The following INO80 variants were observed in gnomAD, a reference collection of about 807,000 sequenced individuals.
INO80 encodes the protein INO80 complex ATPase subunit.
In INO80, 20 loss-of-function variants were observed where a neutral mutation model predicts 203.4. The observed-to-expected ratio is 0.10, with a 90% CI of 0.07 to 0.14. The LOEUF (loss-of-function observed/expected upper bound fraction) is 0.14. Ranked by LOEUF, INO80 falls within the 10% of genes least tolerant of loss-of-function variation. INO80 has a pLI of 1.00. For missense variants in INO80, 1,419 were observed against 1,914.4 expected, an observed-to-expected ratio of 0.74 and a Z score of 4.83; for synonymous variants, 726 against 685.2, an observed-to-expected ratio of 1.06 and a Z score of -0.93.
intron 29 of INO80, among the ~76,000 whole-genome samples, chr15:40,989,200 T>C (rs1417748802): frequency 2.0e-5 from 3 of 152,164 alleles, no homozygotes; most frequent in Non-Finnish European, 4.4e-5. Context: ...ACTGGGGCTA[T>C]GCTGGAAACA....
intron 1 of INO80, among the ~76,000 whole-genome samples, chr15:41,100,223 T>C (rs562938214): frequency 2.6e-5 from 4 of 151,972 alleles, no homozygotes; most frequent in East Asian, 3.9e-4. Context: ...TACAGGCGCC[T>C]GCCACCACGC....
At chr15:41,047,601 ACTATT>A (rs2044791704) in intron 22 of INO80, 100 bp from the exon 23 acceptor site, 7 of 789,938 alleles carry the variant, frequency 8.9e-6, no homozygotes, top group South Asian at 8.4e-5. Flanking sequence ...GAACAAAAAC[ACTATT>A]CTAAAGGTTC....
Position 41,070,460 on chromosome 15 carries a change from TA to T in INO80, c.1686+6del. On this transcript the variant is annotated splice_donor_region_variant and intron_variant, in intron 13 of 35. Coordinates refer to ENST00000648947, the MANE Select transcript of INO80 (RefSeq NM_017553.3). ...GAAATGAAGATAGAAAGATTGCATC[TA>T]CCCACCTCAGCCAGATGGGCCAGAA... The T allele has an allele frequency of 6.2e-7, 1 of 1,610,642 alleles. No individual in the cohort carries two copies.
At chr15:41,020,254 AT>A (rs1169604792) in intron 26 of INO80, among the ~76,000 whole-genome samples, 2 of 152,090 alleles carry the variant, frequency 1.3e-5, no homozygotes, top group Non-Finnish European at 2.9e-5. Flanking sequence ...AATGTCAGAG[AT>A]TTTGGACAAC....
chr15:41,066,846 C>CAAAAAAAAAAAAAA (rs58118605), intron 14 of INO80, among the ~76,000 whole-genome samples: 2 of 70,614 alleles, frequency 2.8e-5, no homozygotes, highest in Non-Finnish European at 6.7e-5. Context: ...AAAAAAAAAG[C>CAAAAAAAAAAAAAA]AAAAAAAAAA....
Position 40,979,894 on chromosome 15 carries a change from G to A in INO80, c.*329C>T, listed in dbSNP as rs1003031482. 1 of 347,234 alleles carries A rather than the reference G, an allele frequency of 2.9e-6. No individual in the cohort carries two copies. The highest frequency in any genetic ancestry group is 2.1e-5 in the African/African-American group (1 of 48,084). 21.5% of individuals were successfully genotyped at this position (347,234 alleles called of 1,614,324 possible). On this transcript the variant is annotated 3_prime_UTR_variant, in exon 36 of 36. Transcript: ENST00000648947. The stretch of plus-strand genomic sequence containing the variant: ...TGTCAGAGCCGAAGAGTGGAATCGG[G>A]ATGGAAACAGTATGCCTGAGCATCT...
intron 19 of INO80, among the ~76,000 whole-genome samples, chr15:41,051,948 A>C (rs2044881919): frequency 6.6e-6 from 1 of 152,038 alleles, no homozygotes; most frequent in Admixed American, 6.6e-5. Context: ...ACAGAGCAAG[A>C]CTCAGTCTCA....
At chr15:40,996,616 G>T (rs549044126) in intron 29 of INO80, among the ~76,000 whole-genome samples, 1 of 152,060 alleles carries the variant, frequency 6.6e-6, no homozygotes. Flanking sequence ...GAGCCACCAC[G>T]CCCAGCCAGG....
In INO80 at chr15:41,096,287, C is replaced by G; in HGVS notation, c.24G>C (p.Arg8Ser). 6.2e-7 allele frequency: 1 copy of G among 1,601,132 alleles called. No homozygotes were observed. Among genetic ancestry groups the G allele is most frequent in the Non-Finnish European group, 8.5e-7 (1 of 1,176,654 alleles). Residue 8 changes from arginine to serine, a missense_variant, in exon 2 of 36, where the codon AGG (arginine) becomes AGC (serine). This residue lies in a region of INO80 where 323 missense variants were observed against 325.4 expected (regional missense o/e 0.99). Transcript: ENST00000648947. ...CCAGCTCAGTGCAGCCTCCATCATCCCTGGCACCCAACTCCGAGGCCATAG... is the reference window on the plus strand; with the variant it reads ...CCAGCTCAGTGCAGCCTCCATCATCGCTGGCACCCAACTCCGAGGCCATAG... Reference protein sequence around the residue: MASELGARDDGGCTELAK... With the variant: MASELGASDDGGCTELAK...
chr15:41,018,838 CA>C (rs1193305410), intron 26 of INO80: 10 of 152,310 alleles, frequency 6.6e-5, no homozygotes, highest in African/African-American at 2.4e-4. Flanking sequence ...TCTGGAAATC[CA>C]GCTGATTCTG....
At chr15:41,056,596 A>C in intron 17 of INO80, 26 bp downstream of exon 17, 1 of 1,544,944 alleles carries the variant, frequency 6.5e-7, no homozygotes, top group Non-Finnish European at 8.9e-7. Flanking sequence ...TGAAGATATA[A>C]ACCTGTGACC....
chr15:41,002,083 T>G (rs946165556), intron 28 of INO80, among the ~76,000 whole-genome samples: 12 of 152,322 alleles, frequency 7.9e-5, no homozygotes, highest in Admixed American at 6.5e-5. Context: ...CAGTTTGTAA[T>G]GTAGGCAGGG....
intron 27 of INO80, among the ~76,000 whole-genome samples, chr15:41,009,937 C>T (rs1043664144): frequency 4.6e-5 from 7 of 152,070 alleles, no homozygotes; most frequent in Non-Finnish European, 8.8e-5. Context: ...ACACTTTCTT[C>T]AAGCAAATTC....
At chr15:41,082,250 C>CA (rs60486605) in intron 7 of INO80, among the ~76,000 whole-genome samples, 4,713 of 54,396 alleles carry the variant, frequency 0.087, 337 homozygotes, top group African/African-American at 0.2. Context: ...AACTCCGTCT[C>CA]AAAAAAAAAA....
chr15:41,069,364 G>C (rs903023679), intron 14 of INO80: 10 of 397,248 alleles, frequency 2.5e-5, no homozygotes, highest in African/African-American at 1.7e-4. Flanking sequence ...TAGAGACGGG[G>C]TTTCACCATG....
At chr15:41,024,341 GCTTT>G (rs778620520) in intron 25 of INO80, 3 of 152,158 alleles carry the variant, frequency 2.0e-5, no homozygotes, top group Non-Finnish European at 2.9e-5. Context: ...AGTAAATCCT[GCTTT>G]CTAAGTCAGC....
In INO80 at chr15:41,050,004, A is replaced by G. The variant is rs368299798; in HGVS notation, c.2373T>C (p.Ser791=). Reference sequence around the variant, plus strand: ...TCTGTGCTTGTTGGGTAGAGCCCATAGAAGACTGCAATAAATCCTCAATGG... The same window carrying G: ...TCTGTGCTTGTTGGGTAGAGCCCATGGAAGACTGCAATAAATCCTCAATGG... ...KISIEDLLQS[S]MGSTQQAQNT... is the part of the protein sequence containing the mutation. The change falls in exon 20 of 36, where the codon TCT becomes TCC. Residue 791 remains serine (S), a synonymous_variant. Coordinates refer to ENST00000648947, the MANE Select transcript of INO80 (RefSeq NM_017553.3). 1.7e-4 allele frequency: 270 copies of G among 1,614,036 alleles called. No individual in the cohort carries two copies. Among genetic ancestry groups the G allele is most frequent in the Non-Finnish European group, 2.2e-4 (259 of 1,179,982 alleles).
At chr15:41,022,342 C>T (rs911456295) in intron 25 of INO80, among the ~76,000 whole-genome samples, 5 of 152,154 alleles carry the variant, frequency 3.3e-5, no homozygotes, top group Non-Finnish European at 7.3e-5. Context: ...CTTGATCTTG[C>T]TATTAACTTT....
At position 41,094,858 on chromosome 15, in the gene INO80, G is replaced by A. The variant is rs113045045; in HGVS notation, c.381+743C>T. Among the ~76,000 whole-genome samples, 307 of 152,138 alleles carry A rather than the reference G, an allele frequency of 2.0e-3. 1 individual carries two copies. The highest frequency in any genetic ancestry group is 4.8e-3 in the South Asian group (23 of 4,824). Reference sequence around the variant, plus strand: ...TGGAAAATTCCACACCTGACCTCACGCGACAGGTCACAGTCAAAACACAGG... The same window carrying A: ...TGGAAAATTCCACACCTGACCTCACACGACAGGTCACAGTCAAAACACAGG... On this transcript the variant is annotated intron_variant, in intron 4 of 35. Transcript: ENST00000648947.
Sources: allele counts gnomAD v4.1 joint callset (sites outside exome capture counted in the v4.1 genomes callset), GRCh38; gene constraint gnomAD v4.1.1; regional missense constraint gnomAD v4.1.1; transcripts MANE v1.5; gene names NCBI Gene and HGNC (gene_info 2026-07-23, HGNC 2026-07-21).